The following LPP variants were observed in gnomAD, a reference collection of about 807,000 sequenced individuals.
The protein encoded by LPP is LIM domain containing preferred translocation partner in lipoma, also known as lipoma-preferred partner.
LPP carries 38 observed loss-of-function variants against 60.4 expected under a neutral mutation model. The observed-to-expected ratio is 0.63, with a 90% confidence interval of 0.49 to 0.83. The LOEUF (loss-of-function observed/expected upper bound fraction) is 0.83. Ranked by LOEUF, LPP falls within the 40% of genes least tolerant of loss-of-function variation. The pLI, the probability that LPP is intolerant of heterozygous loss-of-function variation, is 0.00. For synonymous variants in LPP, 328 were observed against 290.8 expected (o/e 1.13, Z -1.30); for missense variants, 902 against 783.6 (o/e 1.15, Z -1.80).
intron 7 of LPP, among the ~76,000 whole-genome samples, chr3:188,699,060 A>C (rs1183662780): frequency 1.3e-5 from 2 of 152,224 alleles, no homozygotes; most frequent in African/African-American, 4.8e-5. Context: ...TATAACTGAC[A>C]TCTATTTGAT....
Position 188,707,159 on chromosome 3 carries a change from A to T in LPP, c.1114-1108A>T, listed in dbSNP as rs188989975. Among the ~76,000 whole-genome samples the T allele has an allele frequency of 3.5e-3, 528 of 148,798 alleles. 2 individuals carry two copies. The highest frequency in any genetic ancestry group is 0.012 in the African/African-American group (482 of 40,602). On this transcript the variant is annotated intron_variant, in intron 7 of 11. Coordinates refer to ENST00000617246, the MANE Select transcript of LPP (RefSeq NM_001375462.1). Reference sequence around the variant, plus strand: ...GGCTCGCCCGCCTATTTATTTTTTAATTTTTTTTTTACTGCAGTATGTTTT... The same window carrying T: ...GGCTCGCCCGCCTATTTATTTTTTATTTTTTTTTTTACTGCAGTATGTTTT...
intron 2 of LPP, among the ~76,000 whole-genome samples, chr3:188,226,705 G>GTAAT (rs1717896459): frequency 6.6e-6 from 1 of 152,130 alleles, no homozygotes. Flanking sequence ...TTTGTACTGA[G>GTAAT]TAATTAATAC....
intron 3 of LPP, among the ~76,000 whole-genome samples, chr3:188,398,996 G>A (rs9820681): frequency 0.76 from 115,566 of 152,200 alleles, 47,141 homozygotes; most frequent in Middle Eastern, 0.93. Flanking sequence ...GGAGAATCAC[G>A]GGTGATATCG....
At chr3:188,705,530 C>A (rs1052612845) in intron 7 of LPP, among the ~76,000 whole-genome samples, 6 of 152,070 alleles carry the variant, frequency 3.9e-5, no homozygotes, top group Non-Finnish European at 7.4e-5. Flanking sequence ...TAAAGTTTAA[C>A]AATACTGGCA....
At chr3:188,483,869 C>G (rs1805519018) in intron 4 of LPP, among the ~76,000 whole-genome samples, 1 of 152,180 alleles carries the variant, frequency 6.6e-6, no homozygotes, top group Non-Finnish European at 1.5e-5. Flanking sequence ...GTTTCTTTCT[C>G]AGAAATCCTT....
intron 9 of LPP, among the ~76,000 whole-genome samples, chr3:188,778,170 G>T (rs1032718366): frequency 3.3e-5 from 5 of 152,146 alleles, no homozygotes; most frequent in African/African-American, 9.7e-5. Context: ...GTACAATTCA[G>T]TAGCAAAGAA....
intron 6 of LPP, among the ~76,000 whole-genome samples, chr3:188,555,227 C>T (rs184715169): frequency 1.3e-4 from 20 of 152,040 alleles, no homozygotes; most frequent in Non-Finnish European, 2.2e-4. Context: ...GCCAAGTGAT[C>T]CCAAGGAAGT....
chr3:188,469,935 C>T lies in LPP; in HGVS notation c.194-14657C>T, dbSNP rs141443003. ...TGGTATTTCTAAATTCAGTAAAAGG[C>T]GAAAGATTTATACCATCTGAAGAAA... On this transcript the variant is annotated intron_variant, in intron 4 of 11. Coordinates refer to ENST00000617246, the MANE Select transcript of LPP (RefSeq NM_001375462.1). Among the ~76,000 whole-genome samples the T allele has an allele frequency of 5.3e-5, 8 of 152,022 alleles. No homozygotes were observed. In the South Asian group the frequency reaches 6.2e-4, roughly 12 times the overall value.
At chr3:188,819,258 A>G (rs1019980913) in intron 9 of LPP, among the ~76,000 whole-genome samples, 1 of 152,036 alleles carries the variant, frequency 6.6e-6, no homozygotes, top group Non-Finnish European at 1.5e-5. Context: ...CATCATCCAC[A>G]CTGTGAACAT....
At chr3:188,426,540 T>C (rs1789393739) in intron 4 of LPP, among the ~76,000 whole-genome samples, 1 of 152,166 alleles carries the variant, frequency 6.6e-6, no homozygotes, top group Admixed American at 6.6e-5. Context: ...CTGTCTAATA[T>C]TGACAGTGGG....
chr3:188,469,348 GGTT>G (rs1295908523), intron 4 of LPP, among the ~76,000 whole-genome samples: 5 of 658 alleles, frequency 7.6e-3, no homozygotes, highest in East Asian at 0.091. Context: ...CGGTTGTGGT[GGTT>G]GTGGTGGTGG....
chr3:188,637,713 C>A (rs1410629252), intron 7 of LPP, among the ~76,000 whole-genome samples: 1 of 152,090 alleles, frequency 6.6e-6, no homozygotes, highest in African/African-American at 2.4e-5. Context: ...ATACAAACTA[C>A]CATCAGAGAA....
intron 7 of LPP, among the ~76,000 whole-genome samples, chr3:188,670,275 T>C (rs1245547528): frequency 6.6e-6 from 1 of 152,148 alleles, no homozygotes; most frequent in African/African-American, 2.4e-5. Context: ...AATTAATTAG[T>C]TAATTAAAAT....
chr3:188,779,680 G>A (rs1739013452), intron 9 of LPP, among the ~76,000 whole-genome samples: 1 of 151,658 alleles, frequency 6.6e-6, no homozygotes, highest in Non-Finnish European at 1.5e-5. Context: ...TTCCAATGAT[G>A]GGAAATTTAC....
At position 188,708,407 on chromosome 3, in the gene LPP, A is replaced by G. The variant is rs1197943788; in HGVS notation, c.1240+14A>G. ...ACGAATACTTTGGTGAGTGGGGCCT[A>G]GAGCTGACTTCTGAAGTAACTATCT... On this transcript the variant is annotated intron_variant, in intron 8 of 11. Transcript: ENST00000617246. The G allele has an allele frequency of 3.1e-6, 5 of 1,614,198 alleles. No homozygotes were observed. Among genetic ancestry groups the G allele is most frequent in the Non-Finnish European group, 3.4e-6 (4 of 1,180,006 alleles).
At chr3:188,375,766 C>T (rs1370605840) in intron 3 of LPP, among the ~76,000 whole-genome samples, 4 of 152,056 alleles carry the variant, frequency 2.6e-5, no homozygotes, top group Non-Finnish European at 4.4e-5. Context: ...TGTGTTTGCT[C>T]TTGCTTTTCT....
chr3:188,772,484 TTTTTCTTTTC>T (rs1026008266), intron 9 of LPP, among the ~76,000 whole-genome samples: 4 of 151,962 alleles, frequency 2.6e-5, no homozygotes, highest in Non-Finnish European at 5.9e-5. Flanking sequence ...AGGTCACCCT[TTTTTCTTTTC>T]TTTTCTTTTC....
intron 3 of LPP, among the ~76,000 whole-genome samples, chr3:188,377,182 T>A (rs1406878276): frequency 3.9e-5 from 6 of 152,194 alleles, no homozygotes; most frequent in Non-Finnish European, 8.8e-5. Context: ...CAAATATATG[T>A]CTTGGAGTTG....
At chr3:188,516,054 G>A (rs1488488565) in intron 5 of LPP, among the ~76,000 whole-genome samples, 1 of 152,174 alleles carries the variant, frequency 6.6e-6, no homozygotes, top group Non-Finnish European at 1.5e-5. Context: ...CATCATGAGA[G>A]TTACCCTATG....
Sources: allele counts gnomAD v4.1 joint callset (sites outside exome capture counted in the v4.1 genomes callset), GRCh38; gene constraint gnomAD v4.1.1; transcripts MANE v1.5; gene names NCBI Gene and HGNC (gene_info 2026-07-23, HGNC 2026-07-21).